EI24: variants seen among roughly 807,000 people sequenced by gnomAD.
EI24 encodes the protein etoposide-induced protein 2.4 homolog.
In EI24, 21 loss-of-function variants were observed where a neutral mutation model predicts 48.6. That is an observed-to-expected ratio of 0.43 (90% CI 0.31 to 0.62). The LOEUF is 0.62. Ranked by LOEUF, EI24 falls within the 20% of genes least tolerant of loss-of-function variation. The pLI is 0.10. For synonymous variants in EI24, 114 were observed against 145.5 expected (o/e 0.78, Z 1.56); for missense variants, 280 against 410.5 (o/e 0.68, Z 2.75).
rs2135845624 is a variant in EI24, at chr11:125,571,208, C to G, written c.-70-1250C>G. Among the ~76,000 whole-genome samples the G allele has an allele frequency of 1.3e-5, 2 of 152,300 alleles. 1 individual carries two copies. The highest frequency in any genetic ancestry group is 4.1e-4 in the South Asian group (2 of 4,826). ...TTTTGAAATTTAAGGTTTGTACAAG[C>G]TGCTTGTGAAATTCTGTCTTTGTAT... On this transcript the variant is annotated intron_variant, in intron 1 of 10. Transcript: ENST00000278903.
Position 125,576,265 on chromosome 11 carries a change from A to G in EI24, c.199A>G (p.Ile67Val). The G allele has an allele frequency of 6.2e-7, 1 of 1,613,876 alleles. No homozygotes were observed. Among genetic ancestry groups the G allele is most frequent in the South Asian group, 1.1e-5 (1 of 91,038 alleles). The change falls in exon 4 of 11, where the codon ATT becomes GTT. Residue 67 changes from isoleucine (I) to valine (V), a missense_variant. Physicochemically the swap from Ile to Val is conservative, Grantham distance 29. Around this residue, in one of 3 missense-constraint regions of EI24, gnomAD observed 204 missense variants for 294.1 expected, o/e 0.69. Transcript: ENST00000278903. ...TGTGATCTTTTCCAGTGAGCCACGT[A>G]TTGTTAGTAGAATTTTCCAGTGTTG... is the stretch of plus-strand genomic sequence containing the variant. ...IERKQESEPR[I>V]VSRIFQCCAW...
At position 125,581,336 on chromosome 11, in the gene EI24, A is replaced by G. The variant is rs377221738; in HGVS notation, c.785+14A>G. ...ATATATTATCAGGTAATTTGGCTAC[A>G]GGGATTTGAAGGAGACTAGTAAAAA... On this transcript the variant is annotated intron_variant, in intron 9 of 10. Coordinates refer to ENST00000278903, the MANE Select transcript of EI24 (RefSeq NM_004879.5). The G allele has an allele frequency of 2.0e-5, 30 of 1,528,276 alleles. No individual in the cohort carries two copies. In the African/African-American group the frequency reaches 4.0e-4, roughly 20 times the overall value. 94.7% of individuals were successfully genotyped at this position (1,528,276 alleles called of 1,614,324 possible).
At chr11:125,572,358 C>T (rs2135848173) in intron 1 of EI24, 100 bp from the exon 2 acceptor site, 1 of 642,810 alleles carries the variant, frequency 1.6e-6, no homozygotes, top group Non-Finnish European at 2.8e-6. Flanking sequence ...TGCTATCTTA[C>T]TAGAGCTACA....
At chr11:125,575,227 A>G (rs1297925852) in intron 2 of EI24, 36 bp from the exon 3 acceptor site, 3 of 1,491,918 alleles carry the variant, frequency 2.0e-6, no homozygotes, top group African/African-American at 1.4e-5. Context: ...ACCCTGTCTC[A>G]AATAATAATA....
rs1208330695 is a variant in EI24 at position 125,576,379 on chromosome 11, T to C, written c.249+64T>C. 4.8e-6 allele frequency: 7 copies of C among 1,450,848 alleles called. 1 individual carries two copies. The South Asian group carries it at 5.9e-5, about 12-fold the overall frequency. The allele number at this position is 1,450,848 out of a possible 1,614,324, so 89.9% of individuals were successfully genotyped here. On this transcript the variant is annotated intron_variant, in intron 4 of 10. Transcript: ENST00000278903. ...CAGATTGTTGCTGGGTTGATAGCTA[T>C]GAACTGTTTTCTTGAAACACTGAGA...
chr11:125,575,048 A>G (rs930939943), intron 2 of EI24, among the ~76,000 whole-genome samples: 17 of 152,086 alleles, frequency 1.1e-4, no homozygotes, highest in African/African-American at 3.4e-4. Flanking sequence ...CAACATGGTG[A>G]GATCCCCATC....
In EI24 at chr11:125,583,642, C is replaced by T. The variant is rs757330810; in HGVS notation, c.982C>T (p.His328Tyr). 2 of 1,613,436 alleles carry T rather than the reference C, an allele frequency of 1.2e-6. No individual in the cohort carries two copies. Among genetic ancestry groups the T allele is most frequent in the Admixed American group, 1.7e-5 (1 of 59,932 alleles). ...STSAEKFPSP[H>Y]PSPAKLKATA... is the part of the protein sequence containing the mutation. ...TTCTGCAGAGAAGTTCCCTTCACCG[C>T]ATCCGTCGCCTGCCAAACTGAAGGC... is the stretch of plus-strand genomic sequence containing the variant. The change falls in exon 11 of 11, where the codon CAT becomes TAT. Residue 328 changes from histidine to tyrosine, a missense_variant. Around this residue, in one of 3 missense-constraint regions of EI24, gnomAD observed 62 missense variants for 65.1 expected, o/e 0.95. Transcript: ENST00000278903.
intron 1 of EI24, chr11:125,569,812 C>CACCTCGCGTGATCCGT (rs924726390): frequency 4.2e-5 from 11 of 259,856 alleles, no homozygotes; most frequent in East Asian, 3.4e-4. Flanking sequence ...GCGTGATCCG[C>CACCTCGCGTGATCCGT]ACCTCGCGTG....
At chr11:125,573,476 G>A in intron 2 of EI24, 3 of 321,784 alleles carry the variant, frequency 9.3e-6, no homozygotes, top group Non-Finnish European at 1.3e-5. Context: ...AGGGGAGGTG[G>A]CTCACAGCTG....
chr11:125,583,415 G>A (rs936971772), intron 10 of EI24, 106 bp from the exon 11 acceptor site: 151 of 917,838 alleles, frequency 1.6e-4, no homozygotes, highest in Admixed American at 2.4e-4. Flanking sequence ...AGTTTCATTT[G>A]TCTTGTCTTT....
Position 125,572,531 on chromosome 11 carries a change from G to A in EI24, c.4G>A (p.Ala2Thr). 6.2e-7 allele frequency: 1 copy of A among 1,613,754 alleles called. No homozygotes were observed. The highest frequency in any genetic ancestry group is 8.5e-7 in the Non-Finnish European group (1 of 1,179,790). The change falls in exon 2 of 11, where the codon GCT (alanine) becomes ACT (threonine). Residue 2 changes from alanine (A) to threonine (T), a missense_variant. By Grantham distance (58) the Ala-to-Thr change is moderately conservative. Transcript: ENST00000278903. ...TTGATAGTTTGGTGGTGAAGAGATG[G>A]CTGACAGTGTCAAAACCTTTCTCCA... Reference protein sequence around the residue: MADSVKTFLQDL... With the variant: MTDSVKTFLQDL...
At chr11:125,577,371 G>C in intron 4 of EI24, 133 bp from the exon 5 acceptor site, 1 of 795,868 alleles carries the variant, frequency 1.3e-6, no homozygotes, top group East Asian at 2.6e-5. Flanking sequence ...CACCGCGCAT[G>C]AGCCACCGCG....
intron 9 of EI24, 131 bp from the exon 10 acceptor site, chr11:125,582,215 G>C (rs1187212333): frequency 1.2e-6 from 1 of 800,182 alleles, no homozygotes; most frequent in Non-Finnish European, 1.8e-6. Flanking sequence ...AAAAATGTTT[G>C]AAATATTGAG....
At position 125,575,282 on chromosome 11, in the gene EI24, G is replaced by C. The variant is rs1938691921; in HGVS notation, c.62G>C (p.Trp21Ser). The change falls in exon 3 of 11, where the codon TGG becomes TCG. Residue 21 changes from tryptophan (W) to serine (S), a missense_variant. By Grantham distance (177) the Trp-to-Ser change is radical (BLOSUM62 -3). Coordinates refer to ENST00000278903, the MANE Select transcript of EI24 (RefSeq NM_004879.5). ...DLARGIKDSI[W>S]GICTISKLDA... ...CTATAGGGAATCAAAGACTCCATCT[G>C]GGGTATTTGTACCATCTCAAAGCTA... 9 of 1,550,084 alleles carry C rather than the reference G, an allele frequency of 5.8e-6. No individual in the cohort carries two copies. Among genetic ancestry groups the C allele is most frequent in the Non-Finnish European group, 7.9e-6 (9 of 1,146,082 alleles).
intron 2 of EI24, chr11:125,573,575 C>T (rs1188233159): frequency 3.4e-6 from 1 of 291,578 alleles, no homozygotes; most frequent in South Asian, 2.9e-5. Context: ...TACCAGTGCA[C>T]TATAGCAGGG....
In EI24 at chr11:125,579,971, G is replaced by A. The variant is rs781378018; in HGVS notation, c.562-122G>A. On this transcript the variant is annotated intron_variant, in intron 7 of 10. Coordinates refer to ENST00000278903, the MANE Select transcript of EI24 (RefSeq NM_004879.5). ...GAGTCACTGTGCCCACCCTGCACTC[G>A]GCCTTTTAGAAACTTGAGAAGCAGC... is the stretch of plus-strand genomic sequence containing the variant. The A allele has an allele frequency of 1.1e-5, 9 of 784,304 alleles. 1 individual carries two copies. The highest frequency in any genetic ancestry group is 3.8e-5 in the Admixed American group (2 of 53,024). 48.6% of individuals were successfully genotyped at this position (784,304 alleles called of 1,614,324 possible).
chr11:125,581,178 TA>T, intron 8 of EI24, 32 bp from the exon 9 acceptor site: 1 of 1,462,856 alleles, frequency 6.8e-7, no homozygotes, highest in Non-Finnish European at 9.5e-7. Flanking sequence ...AAAGGAAATA[TA>T]ATATCTAATT....
At chr11:125,575,592 G>A (rs1179533668) in intron 3 of EI24, among the ~76,000 whole-genome samples, 184 bp downstream of exon 3, 5 of 152,124 alleles carry the variant, frequency 3.3e-5, no homozygotes, top group Non-Finnish European at 7.3e-5. Flanking sequence ...AAATGTCATG[G>A]TGTTAAATCA....
At position 125,583,922 on chromosome 11, in the gene EI24, C is replaced by CTGCAGCTAT; in HGVS notation, c.*241_*249dup. ...GAGTCTGAAAGGACCACAGGTTTTTCTGCAGCTATTTTCTAGCATTTGCCA... is the reference window on the plus strand; with the variant it reads ...GAGTCTGAAAGGACCACAGGTTTTTCTGCAGCTATTGCAGCTATTTTCTAGCATTTGCCA... On this transcript the variant is annotated 3_prime_UTR_variant, in exon 11 of 11. Transcript: ENST00000278903. The CTGCAGCTAT allele has an allele frequency of 1.9e-6, 1 of 540,230 alleles. No homozygotes were observed. Among genetic ancestry groups the CTGCAGCTAT allele is most frequent in the East Asian group, 3.4e-5 (1 of 29,552 alleles). The allele number at this position is 540,230 out of a possible 1,614,324, so 33.5% of individuals were successfully genotyped here. A position where few individuals can be genotyped will look rare whatever the true frequency, so the allele number is the denominator to read the frequency against.
Sources: gnomAD v4.1 joint callset for allele counts (sites outside exome capture counted in the v4.1 genomes callset) on GRCh38, gnomAD v4.1.1 for gene constraint, gnomAD v4.1.1 regional missense constraint, MANE v1.5 for transcripts, NCBI Gene and HGNC (gene_info 2026-07-23, HGNC 2026-07-21) for gene names.